Variants in PER2 observed in about 807,000 individuals in gnomAD.
PER2 encodes period circadian protein homolog 2.
Under a neutral mutation model 121.0 loss-of-function variants are expected in PER2, and 66 were observed. The observed-to-expected ratio is 0.55, with a 90% CI of 0.45 to 0.67. PER2 has a LOEUF of 0.67. Among genes scored for constraint, PER2 ranks in the 30% least tolerant of loss-of-function variants. The pLI, the probability that PER2 is intolerant of heterozygous loss-of-function variation, is 0.00. For synonymous variants in PER2, 684 were observed against 659.9 expected, an observed-to-expected ratio of 1.04 and a Z score of -0.56; for missense variants, 1,521 against 1,635.0, an observed-to-expected ratio of 0.93 and a Z score of 1.20.
chr2:238,283,775 G>A (rs1332372807), intron 1 of PER2, among the ~76,000 whole-genome samples: 1 of 152,182 alleles, frequency 6.6e-6, no homozygotes, highest in East Asian at 1.9e-4. Flanking sequence ...CTGCCAAGGG[G>A]CCGCCCAGGG....
At chr2:238,295,990 T>C in the PER2 span, among the ~76,000 whole-genome samples, 1 of 152,022 alleles carries the variant, frequency 6.6e-6, no homozygotes, top group African/African-American at 2.4e-5. Flanking sequence ...GGTCAGGGGA[T>C]CCACACAGCC....
At chr2:238,265,966 C>T (rs879530510) in intron 8 of PER2, among the ~76,000 whole-genome samples, 1 of 151,520 alleles carries the variant, frequency 6.6e-6, no homozygotes, top group African/African-American at 2.4e-5. Context: ...TGCAGTGGCA[C>T]GATCTCGGCT....
In PER2 at chr2:238,268,864, T is replaced by C. The variant is rs1299731061; in HGVS notation, c.824+59A>G. On this transcript the variant is annotated intron_variant, in intron 7 of 22. Transcript: ENST00000254657. This position sits in a 1 kb window ranked among gnomAD's most constrained non-coding sequence, Gnocchi z 4.0. ...CGCCCCCCAGCCTCAAGCGGAGCAGTGCTGGGGTGAAATGTTTATACGGTT... is the reference window on the plus strand; with the variant it reads ...CGCCCCCCAGCCTCAAGCGGAGCAGCGCTGGGGTGAAATGTTTATACGGTT... The C allele has an allele frequency of 4.8e-6, 6 of 1,259,892 alleles. No individual in the cohort carries two copies. The Admixed American group carries it at 8.4e-5, about 18-fold the overall frequency. The allele number at this position is 1,259,892 out of a possible 1,614,324, so 78.0% of individuals were successfully genotyped here.
intron 18 of PER2, chr2:238,254,981 CA>C (rs1313278477): frequency 2.0e-5 from 3 of 152,538 alleles, no homozygotes; most frequent in South Asian, 4.1e-4. Context: ...GCCAGCGTCC[CA>C]GGGGGAAGGG....
Position 238,273,148 on chromosome 2 carries a change from G to A in PER2, c.492C>T (p.His164=), listed in dbSNP as rs773980468. ...YYQLLMSSEG[H]PCGADVPSYT... is the part of the protein sequence containing the mutation. ...AGGAGGGCACGTCTGCTCCACAGGG[G>A]TGACCCTCGCTGGACATCAGCAGCT... Residue 164 remains histidine (H), a synonymous_variant, in exon 5 of 23, where the codon CAC becomes CAT. Transcript: ENST00000254657. 1.4e-5 allele frequency: 23 copies of A among 1,613,824 alleles called. No individual in the cohort carries two copies. The South Asian group carries it at 2.3e-4, about 16-fold the overall frequency.
chr2:238,250,993 G>C (rs1346270566), intron 20 of PER2, among the ~76,000 whole-genome samples: 1 of 152,224 alleles, frequency 6.6e-6, no homozygotes, highest in African/African-American at 2.4e-5. Flanking sequence ...AGGTGGAGCT[G>C]CGTGTTAGAA....
Position 238,253,253 on chromosome 2 carries a change from A to C in PER2, c.2770T>G (p.Phe924Val), listed in dbSNP as rs539217196. 130 of 1,605,770 alleles carry C rather than the reference A, an allele frequency of 8.1e-5. No individual in the cohort carries two copies. Among genetic ancestry groups the C allele is most frequent in the Admixed American group, 4.7e-4 (28 of 59,622 alleles). ...GGAAACTGAGGCTGGCTGGGGAAGA[A>C]GGCCTGGGGCAGGTTTGGGGTCCCC... The part of the protein sequence containing the change: ...PSGTPNLPQA[F>V]FPSQPQFPSH... The change falls in exon 19 of 23, where the codon TTC (phenylalanine) becomes GTC (valine). Residue 924 changes from phenylalanine (F) to valine (V), a missense_variant. Transcript: ENST00000254657. The surrounding 1 kb of genome is among the most constrained non-coding windows in gnomAD (Gnocchi z 5.6).
At chr2:238,292,560 GGGGA>G (rs1319134982), upstream of PER2, among the ~76,000 whole-genome samples, 1 of 152,196 alleles carries the variant, frequency 6.6e-6, no homozygotes, top group East Asian at 1.9e-4. Context: ...TTCCACCCTG[GGGGA>G]GGAAGTGTTC....
intron 1 of PER2, among the ~76,000 whole-genome samples, chr2:238,287,592 A>G (rs1351739718): frequency 1.3e-5 from 2 of 152,346 alleles, no homozygotes; most frequent in East Asian, 3.9e-4. Flanking sequence ...AGTGGAGGCC[A>G]TCACTGAACC....
chr2:238,267,962 G>A, intron 8 of PER2, 94 bp downstream of exon 8: 1 of 1,404,714 alleles, frequency 7.1e-7, no homozygotes, highest in East Asian at 2.3e-5. Context: ...ACTGCAGCGG[G>A]GAGTCCATCG....
At chr2:238,277,266 C>T in intron 2 of PER2, 73 bp from the exon 3 acceptor site, 1 of 975,890 alleles carries the variant, frequency 1.0e-6, no homozygotes, top group Non-Finnish European at 1.7e-6. Context: ...TGCCATCCTA[C>T]CAGTGATAAC....
intron 18 of PER2, chr2:238,254,170 C>G (rs1695692279): frequency 4.9e-6 from 1 of 205,462 alleles, no homozygotes; most frequent in Non-Finnish European, 9.9e-6. Flanking sequence ...GATGTTTCCT[C>G]TTTCACCTGT....
At chr2:238,281,975 C>T (rs973565289) in intron 1 of PER2, among the ~76,000 whole-genome samples, 2 of 152,190 alleles carry the variant, frequency 1.3e-5, no homozygotes, top group Non-Finnish European at 2.9e-5. Context: ...TGGCCAGGAG[C>T]CAGCCTCCAA....
intron 6 of PER2, 137 bp downstream of exon 6, chr2:238,271,175 A>T (rs969246740): frequency 1.3e-6 from 1 of 778,308 alleles, no homozygotes; most frequent in African/African-American, 1.7e-5. Flanking sequence ...TACCTTTGCC[A>T]GAGCAGGCAG....
chr2:238,275,026 ATACGAGTTTATACCCATGAT>A (rs542790066), intron 4 of PER2, among the ~76,000 whole-genome samples: 1 of 152,360 alleles, frequency 6.6e-6, no homozygotes, highest in East Asian at 1.9e-4. Context: ...ACTGCTTCAA[ATACGAGTTTATACCCATGAT>A]TACTAGTGAA....
chr2:238,259,091 C>T (rs555111231), intron 14 of PER2, among the ~76,000 whole-genome samples: 7 of 152,326 alleles, frequency 4.6e-5, no homozygotes, highest in South Asian at 2.1e-4. Context: ...CTTGCCCCAA[C>T]GACATTCATC....
At chr2:238,265,417 AT>A in intron 9 of PER2, 94 bp downstream of exon 9, 1 of 781,600 alleles carries the variant, frequency 1.3e-6, no homozygotes, top group Non-Finnish European at 2.3e-6. Flanking sequence ...TTTGTCCATT[AT>A]CATGTAATTA....
In PER2 at chr2:238,270,211, T is replaced by C. The variant is rs145476114; in HGVS notation, c.772+1101A>G. Reference sequence around the variant, plus strand: ...GCCCCAAACATTTCATGCTACATATTTTTGGGATAGTCAGTTCTAACAGAA... The same window carrying C: ...GCCCCAAACATTTCATGCTACATATCTTTGGGATAGTCAGTTCTAACAGAA... On this transcript the variant is annotated intron_variant, in intron 6 of 22. Coordinates refer to ENST00000254657, the MANE Select transcript of PER2 (RefSeq NM_022817.3). 7.9e-5 allele frequency among the ~76,000 whole-genome samples: 12 copies of C among 152,328 alleles called. No individual in the cohort carries two copies. The East Asian group carries it at 1.7e-3, about 22-fold the overall frequency.
Position 238,253,255 on chromosome 2 carries a change from G to A in PER2, c.2768C>T (p.Ala923Val). Residue 923 changes from alanine (A) to valine (V), a missense_variant, in exon 19 of 23, where the codon GCC (alanine) becomes GTC (valine). Physicochemically the swap from Ala to Val is moderately conservative, Grantham distance 64 (BLOSUM62 0). Coordinates refer to ENST00000254657, the MANE Select transcript of PER2 (RefSeq NM_022817.3). This position sits in a 1 kb window ranked among gnomAD's most constrained non-coding sequence, Gnocchi z 5.6. ...FPSGTPNLPQ[A>V]FFPSQPQFPS... is the part of the protein sequence containing the mutation. ...AAACTGAGGCTGGCTGGGGAAGAAG[G>A]CCTGGGGCAGGTTTGGGGTCCCCGA... is the stretch of plus-strand genomic sequence containing the variant. The A allele has an allele frequency of 6.2e-7, 1 of 1,607,794 alleles. No individual in the cohort carries two copies. Among genetic ancestry groups the A allele is most frequent in the African/African-American group, 1.3e-5 (1 of 74,984 alleles).
Sources: gnomAD v4.1 joint callset for allele counts (sites outside exome capture counted in the v4.1 genomes callset) on GRCh38, gnomAD v4.1.1 for gene constraint, Gnocchi (gnomAD v3.1) non-coding constraint, MANE v1.5 for transcripts, NCBI Gene and HGNC (gene_info 2026-07-23, HGNC 2026-07-21) for gene names.